Variants in RMDN3 observed in about 807,000 individuals in gnomAD.
RMDN3 encodes regulator of microtubule dynamics 3, also known as regulator of microtubule dynamics protein 3.
Under a neutral mutation model 61.8 loss-of-function variants are expected in RMDN3, and 41 were observed. That is an observed-to-expected ratio of 0.66 (90% CI 0.52 to 0.86). The LOEUF is 0.86. Ranked by LOEUF, RMDN3 falls within the 40% of genes least tolerant of loss-of-function variation. RMDN3 has a pLI of 0.00. For missense variants in RMDN3, 557 were observed against 585.3 expected, an observed-to-expected ratio of 0.95 and a Z score of 0.50; for synonymous variants, 247 against 232.0, an observed-to-expected ratio of 1.06 and a Z score of -0.59.
intron 7 of RMDN3, 107 bp from the exon 8 acceptor site, chr15:40,738,683 C>A (rs2141900776): frequency 9.6e-7 from 1 of 1,044,028 alleles, no homozygotes; most frequent in South Asian, 1.3e-5. Context: ...CCTGTACCCT[C>A]AACTAGAGCT....
Position 40,736,539 on chromosome 15 carries a change from G to A in RMDN3, c.*2C>T. On this transcript the variant is annotated 3_prime_UTR_variant, in exon 13 of 13. Coordinates refer to ENST00000338376, the MANE Select transcript of RMDN3 (RefSeq NM_018145.3). ...CAAGTCATGAAGGCCAGTGAAACGTGGTTAGTCTCGTAAAATGACTTCCAG... is the reference window on the plus strand; with the variant it reads ...CAAGTCATGAAGGCCAGTGAAACGTAGTTAGTCTCGTAAAATGACTTCCAG... 2 of 1,613,734 alleles carry A rather than the reference G, an allele frequency of 1.2e-6. No homozygotes were observed. Among genetic ancestry groups the A allele is most frequent in the African/African-American group, 1.3e-5 (1 of 75,010 alleles).
At position 40,736,547 on chromosome 15, in the gene RMDN3, T is replaced by TGGA. The variant is rs760403872; in HGVS notation, c.1406_1407insTCC (p.Arg469_Asp470insPro). Reference sequence around the variant, plus strand: ...GAAGGCCAGTGAAACGTGGTTAGTCTCGTAAAATGACTTCCAGTTCTTCCA... The same window carrying TGGA: ...GAAGGCCAGTGAAACGTGGTTAGTCTGGACGTAAAATGACTTCCAGTTCTTCCA... On this transcript the variant is annotated inframe_insertion, in exon 13 of 13. Coordinates refer to ENST00000338376, the MANE Select transcript of RMDN3 (RefSeq NM_018145.3). The TGGA allele has an allele frequency of 1.9e-6, 3 of 1,613,902 alleles. No homozygotes were observed. The African/African-American group carries it at 4.0e-5, about 22-fold the overall frequency.
intron 4 of RMDN3, among the ~76,000 whole-genome samples, chr15:40,746,333 G>A (rs1389990464): frequency 3.9e-5 from 6 of 152,028 alleles, no homozygotes; most frequent in Non-Finnish European, 7.4e-5. Context: ...GGCTAACACG[G>A]TGAAACCCTG....
intron 9 of RMDN3, 70 bp from the exon 10 acceptor site, chr15:40,737,796 A>C: frequency 6.5e-7 from 1 of 1,531,726 alleles, no homozygotes; most frequent in Non-Finnish European, 9.0e-7. Context: ...CTTTGGGGAT[A>C]TATTGAAAAT....
At position 40,736,301 on chromosome 15, in the gene RMDN3, T is replaced by G; in HGVS notation, c.*240A>C. The G allele has an allele frequency of 2.2e-6, 1 of 462,932 alleles. No individual in the cohort carries two copies. The highest frequency in any genetic ancestry group is 3.8e-6 in the Non-Finnish European group (1 of 263,840). The allele number at this position is 462,932 out of a possible 1,614,324, so 28.7% of individuals were successfully genotyped here. ...CCTGGGGCAGGTGTGAATCTTGATT[T>G]TTTTAAGAGATTACTCAAGGGAGAG... is the stretch of plus-strand genomic sequence containing the variant. On this transcript the variant is annotated 3_prime_UTR_variant, in exon 13 of 13. Coordinates refer to ENST00000338376, the MANE Select transcript of RMDN3 (RefSeq NM_018145.3).
At position 40,738,585 on chromosome 15, in the gene RMDN3, G is replaced by A. The variant is rs115724029; in HGVS notation, c.972-9C>T. 1.3e-3 allele frequency: 2,070 copies of A among 1,614,008 alleles called. 30 individuals are homozygous for A. The African/African-American group carries it at 0.023, about 18-fold the overall frequency. ...CACAAAGCACCGCATACCTAGGGGG[G>A]AAGCAGCAAGCTCAGGGACAAGGGC... On this transcript the variant is annotated splice_polypyrimidine_tract_variant and intron_variant, in intron 7 of 12. Coordinates refer to ENST00000338376, the MANE Select transcript of RMDN3 (RefSeq NM_018145.3).
At chr15:40,753,094 C>T (rs892661761) in intron 2 of RMDN3, among the ~76,000 whole-genome samples, 2 of 152,156 alleles carry the variant, frequency 1.3e-5, no homozygotes, top group African/African-American at 4.8e-5. Flanking sequence ...TAGATTACCA[C>T]AAGATTATAA....
At position 40,745,014 on chromosome 15, in the gene RMDN3, C is replaced by G. The variant is rs199637427; in HGVS notation, c.770G>C (p.Arg257Pro). The G allele has an allele frequency of 1.9e-6, 3 of 1,611,146 alleles. No homozygotes were observed. The East Asian group carries it at 6.7e-5, about 36-fold the overall frequency. Residue 257 changes from arginine (R) to proline (P), a missense_variant, in exon 5 of 13, where the codon CGG (arginine) becomes CCG (proline). Transcript: ENST00000338376. Reference sequence around the variant, plus strand: ...GTTGAGCAGCAGCTGGAAGCCCTCCCGCTTGCCTTGCTCATCACCCCTGTG... The same window carrying G: ...GTTGAGCAGCAGCTGGAAGCCCTCCGGCTTGCCTTGCTCATCACCCCTGTG... ...ELHRGDEQGKREGFQLLLNNK... is the reference protein window; with the variant it reads ...ELHRGDEQGKPEGFQLLLNNK...
In RMDN3 at chr15:40,744,078, C is replaced by A. The variant is rs899696457; in HGVS notation, c.879G>T (p.Glu293Asp). The A allele has an allele frequency of 6.2e-7, 1 of 1,613,354 alleles. No individual in the cohort carries two copies. Among genetic ancestry groups the A allele is most frequent in the Admixed American group, 1.7e-5 (1 of 59,966 alleles). The change falls in exon 6 of 13, where the codon GAG becomes GAT. Residue 293 changes from glutamate to aspartate, a missense_variant. Glu to Asp is a conservative substitution (Grantham distance 45, BLOSUM62 2). Coordinates refer to ENST00000338376, the MANE Select transcript of RMDN3 (RefSeq NM_018145.3). ...AYSDMCELTE[E>D]VSEKKSYALD... is the part of the protein sequence containing the mutation. ...GGGCATATGACTTCTTCTCGCTCAC[C>A]TCCTCAGTGAGCTCACACATGTCAC...
At chr15:40,741,698 A>G (rs1005209492) in intron 6 of RMDN3, among the ~76,000 whole-genome samples, 5 of 134,210 alleles carry the variant, frequency 3.7e-5, no homozygotes, top group African/African-American at 1.4e-4. Context: ...AGCACGATCT[A>G]GGCTCACCGC....
intron 2 of RMDN3, 44 bp from the exon 3 acceptor site, chr15:40,752,222 G>C (rs779998635): frequency 1.3e-6 from 2 of 1,575,092 alleles, no homozygotes; most frequent in Non-Finnish European, 1.7e-6. Flanking sequence ...ACAGGAATAT[G>C]GTGGGGAAGA....
In RMDN3 at chr15:40,754,937, C is replaced by A. The variant is rs898119158; in HGVS notation, c.-8+146G>T. 36 of 643,974 alleles carry A rather than the reference C, an allele frequency of 5.6e-5. No homozygotes were observed. In the South Asian group the frequency reaches 6.4e-4, roughly 12 times the overall value. 39.9% of individuals were successfully genotyped at this position (643,974 alleles called of 1,614,324 possible). On this transcript the variant is annotated intron_variant, in intron 1 of 12. Coordinates refer to ENST00000338376, the MANE Select transcript of RMDN3 (RefSeq NM_018145.3). Reference sequence around the variant, plus strand: ...TGCCCAAACCCTGAGCTCTCGACTACGTGCACCCCAGTCTGAACCCTAAGG... The same window carrying A: ...TGCCCAAACCCTGAGCTCTCGACTAAGTGCACCCCAGTCTGAACCCTAAGG...
At chr15:40,744,328 T>G in intron 5 of RMDN3, 179 bp from the exon 6 acceptor site, 1 of 596,770 alleles carries the variant, frequency 1.7e-6, no homozygotes, top group Non-Finnish European at 3.0e-6. Context: ...GTGCAGTTAA[T>G]GTATGACACA....
intron 4 of RMDN3, chr15:40,747,704 G>C (rs1426424615): frequency 7.6e-6 from 1 of 131,914 alleles, no homozygotes; most frequent in Non-Finnish European, 1.7e-5. Flanking sequence ...GCACTCCGGA[G>C]GACAGGAGTT....
rs117115411 is a variant in RMDN3, at chr15:40,752,211, C to G, written c.188-33G>C. 598 of 1,600,268 alleles carry G rather than the reference C, an allele frequency of 3.7e-4. 6 individuals are homozygous for G. The East Asian group carries it at 0.013, about 34-fold the overall frequency. On this transcript the variant is annotated intron_variant, in intron 2 of 12. Transcript: ENST00000338376. ...GGGAAACGAATGGGAGCCAGTGACA[C>G]ACAGGAATATGGTGGGGAAGAGATC...
chr15:40,746,357 A>G (rs188350622), intron 4 of RMDN3, among the ~76,000 whole-genome samples: 49 of 152,120 alleles, frequency 3.2e-4, no homozygotes, highest in South Asian at 3.1e-3. Context: ...CTACTAAAAA[A>G]TACAAAAAAT....
chr15:40,750,115 TGGAGTGCAGTGG>T (rs1327811335), intron 4 of RMDN3, among the ~76,000 whole-genome samples: 1 of 151,888 alleles, frequency 6.6e-6, no homozygotes, highest in African/African-American at 2.4e-5. Flanking sequence ...TCACCCAGGC[TGGAGTGCAGTGG>T]CACAATTATG....
intron 5 of RMDN3, 131 bp from the exon 6 acceptor site, chr15:40,744,280 T>C: frequency 1.4e-6 from 1 of 739,716 alleles, no homozygotes; most frequent in South Asian, 1.6e-5. Flanking sequence ...TCAGGCCAGC[T>C]CCTACACGCA....
chr15:40,744,180 C>A (rs775153144), intron 5 of RMDN3, 31 bp from the exon 6 acceptor site: 1 of 1,603,638 alleles, frequency 6.2e-7, no homozygotes, highest in African/African-American at 1.3e-5. Flanking sequence ...GGTGAGGCCC[C>A]TTTTTCCTCA....
Sources: allele counts gnomAD v4.1 joint callset (sites outside exome capture counted in the v4.1 genomes callset), GRCh38; gene constraint gnomAD v4.1.1; transcripts MANE v1.5; gene names NCBI Gene and HGNC (gene_info 2026-07-23, HGNC 2026-07-21).